The following NUCB2 variants were observed in gnomAD, a reference collection of about 807,000 sequenced individuals.
NUCB2 encodes the protein nucleobindin 2, also known as nucleobindin-2.
Under a neutral mutation model 57.9 loss-of-function variants are expected in NUCB2, and 48 were observed. The ratio of observed to expected loss-of-function variants is 0.83; its 90% CI spans 0.66 to 1.05. NUCB2 has a LOEUF of 1.05. NUCB2 is among the 50% of genes least tolerant of loss of function. The pLI is 0.00. For missense variants in NUCB2, 442 were observed against 476.2 expected (o/e 0.93, Z 0.67); for synonymous variants, 139 against 152.1 (o/e 0.91, Z 0.64).
Position 17,331,600 on chromosome 11 carries a change from T to C in NUCB2, c.*181T>C. On this transcript the variant is annotated 3_prime_UTR_variant, in exon 14 of 14. Coordinates refer to ENST00000529010, the MANE Select transcript of NUCB2 (RefSeq NM_005013.4). ...ACAGATATTAAAGGATTGAAGTTTA[T>C]CAGAACCAGGAAGAAAACAAACTCA... 1 of 408,958 alleles carries C rather than the reference T, an allele frequency of 2.4e-6. No homozygotes were observed. Among genetic ancestry groups the C allele is most frequent in the South Asian group, 1.2e-4 (1 of 8,100 alleles). The allele number at this position is 408,958 out of a possible 1,614,324, so 25.3% of individuals were successfully genotyped here.
chr11:17,321,841 G>T (rs1001086223), intron 11 of NUCB2, among the ~76,000 whole-genome samples: 2 of 151,994 alleles, frequency 1.3e-5, no homozygotes, highest in African/African-American at 2.4e-5. Context: ...TTTCTCTGAT[G>T]ATCAGTGATG....
intron 11 of NUCB2, among the ~76,000 whole-genome samples, chr11:17,318,200 A>G (rs1949537407): frequency 6.6e-6 from 1 of 151,678 alleles, no homozygotes; most frequent in Non-Finnish European, 1.5e-5. Context: ...TGTTTTTAGT[A>G]GAGGCAGGAT....
intron 1 of NUCB2, among the ~76,000 whole-genome samples, chr11:17,278,074 T>C (rs975668841): frequency 2.6e-5 from 4 of 152,086 alleles, no homozygotes; most frequent in African/African-American, 9.7e-5. Context: ...CAAATTTTTT[T>C]TTTAACTAGA....
chr11:17,288,882 TACACAC>T (rs1167995024), intron 2 of NUCB2, among the ~76,000 whole-genome samples: 809 of 44,602 alleles, frequency 0.018, 41 homozygotes, highest in Non-Finnish European at 0.02. Context: ...AACATGTATA[TACACAC>T]ACACACACAC....
At chr11:17,324,184 T>TA (rs1483233810) in intron 11 of NUCB2, among the ~76,000 whole-genome samples, 3 of 152,148 alleles carry the variant, frequency 2.0e-5, no homozygotes, top group Non-Finnish European at 4.4e-5. Flanking sequence ...TATAGACAGT[T>TA]ATAACTATAA....
At chr11:17,312,201 T>A in intron 10 of NUCB2, 81 bp downstream of exon 10, 1 of 810,548 alleles carries the variant, frequency 1.2e-6, no homozygotes, top group South Asian at 1.9e-5. Context: ...ATGGAAAATA[T>A]ACAGAATTTG....
intron 2 of NUCB2, among the ~76,000 whole-genome samples, chr11:17,341,959 G>T (rs1327808019): frequency 6.6e-6 from 1 of 152,054 alleles, no homozygotes; most frequent in Non-Finnish European, 1.5e-5. Flanking sequence ...ACTTTTTTTG[G>T]TTGGTAAGCT....
intron 2 of NUCB2, among the ~76,000 whole-genome samples, chr11:17,293,660 A>G (rs1336755031): frequency 6.6e-6 from 1 of 152,258 alleles, no homozygotes; most frequent in Non-Finnish European, 1.5e-5. Context: ...CAGTTCATGA[A>G]TGGATAAACA....
At chr11:17,299,819 G>A (rs1359382030) in intron 4 of NUCB2, among the ~76,000 whole-genome samples, 1 of 152,072 alleles carries the variant, frequency 6.6e-6, no homozygotes, top group Non-Finnish European at 1.5e-5. Flanking sequence ...TGGGAGGACT[G>A]CTTGAGCCTG....
At chr11:17,304,232 AC>A (rs1409099164) in intron 5 of NUCB2, among the ~76,000 whole-genome samples, 2 of 151,608 alleles carry the variant, frequency 1.3e-5, no homozygotes, top group East Asian at 3.9e-4. Context: ...TCACTGAGTC[AC>A]CCATGCTAGA....
At chr11:17,307,028 C>A (rs981006074) in intron 5 of NUCB2, among the ~76,000 whole-genome samples, 10 of 151,918 alleles carry the variant, frequency 6.6e-5, no homozygotes, top group African/African-American at 2.4e-4. Context: ...AGGGCTTAAA[C>A]AGTCTTAATT....
chr11:17,320,550 G>A (rs775853462), intron 11 of NUCB2, among the ~76,000 whole-genome samples: 60 of 152,132 alleles, frequency 3.9e-4, no homozygotes, highest in Non-Finnish European at 6.6e-4. Flanking sequence ...CCAGCTGCTC[G>A]GGAGGCTGAG....
chr11:17,339,941 A>G (rs1203961970), intron 2 of NUCB2, among the ~76,000 whole-genome samples: 1 of 152,180 alleles, frequency 6.6e-6, no homozygotes, highest in African/African-American at 2.4e-5. Context: ...GATTTCCACA[A>G]TGGTTGAACT....
rs1360593600 is a variant in NUCB2 at position 17,289,573 on chromosome 11, A to G, written c.1-5751A>G. Among the ~76,000 whole-genome samples the G allele has an allele frequency of 3.5e-4, 54 of 152,232 alleles. 1 individual carries two copies. Among genetic ancestry groups the G allele is most frequent in the Admixed American group, 3.5e-3 (54 of 15,278 alleles). ...GTTATGTAGTGCTCTTCAACATTCA[A>G]ATCAGATTTAGCTACTCTTCCTTTA... On this transcript the variant is annotated intron_variant, in intron 2 of 13. Transcript: ENST00000529010.
chr11:17,285,223 C>T (rs1196443325), intron 2 of NUCB2, among the ~76,000 whole-genome samples: 1 of 151,930 alleles, frequency 6.6e-6, no homozygotes, highest in Non-Finnish European at 1.5e-5. Context: ...GTCAGGAGAT[C>T]AAGACCATCC....
At chr11:17,339,104 C>T (rs1162360702) in intron 2 of NUCB2, among the ~76,000 whole-genome samples, 1 of 152,180 alleles carries the variant, frequency 6.6e-6, no homozygotes, top group African/African-American at 2.4e-5. Flanking sequence ...TCTCCTGCCT[C>T]AGTCTCCTGA....
At chr11:17,311,395 T>C in intron 8 of NUCB2, 112 bp downstream of exon 8, 1 of 722,656 alleles carries the variant, frequency 1.4e-6, no homozygotes, top group Non-Finnish European at 2.3e-6. Context: ...TGAGAGTAAA[T>C]GGTTAGAGTT....
chr11:17,346,498 C>A (rs1433555952), intron 2 of NUCB2, among the ~76,000 whole-genome samples: 2 of 152,134 alleles, frequency 1.3e-5, no homozygotes, highest in Non-Finnish European at 2.9e-5. Context: ...CATTTATAGC[C>A]ACACTCCCTA....
At chr11:17,313,341 C>A (rs896218847) in intron 10 of NUCB2, among the ~76,000 whole-genome samples, 2 of 151,846 alleles carry the variant, frequency 1.3e-5, no homozygotes, top group African/African-American at 2.4e-5. Context: ...ACCAGCCTGG[C>A]AAACATGGTG....
Sources: allele counts gnomAD v4.1 joint callset (sites outside exome capture counted in the v4.1 genomes callset), GRCh38; gene constraint gnomAD v4.1.1; transcripts MANE v1.5; gene names NCBI Gene and HGNC (gene_info 2026-07-23, HGNC 2026-07-21).